The following ABTB3 variants were observed in gnomAD, a reference collection of about 807,000 sequenced individuals.
ABTB3 encodes the protein ankyrin repeat- and BTB/POZ domain-containing protein 3.
chr12:107,430,542 G>T, the ABTB3 span, among the ~76,000 whole-genome samples: 6 of 152,020 alleles, frequency 3.9e-5, no homozygotes, highest in African/African-American at 1.4e-4. Flanking sequence ...ATCATGATTT[G>T]GGCCCCTTCT....
At chr12:107,600,251 C>G in the ABTB3 span, among the ~76,000 whole-genome samples, 368 of 152,312 alleles carry the variant, frequency 2.4e-3, 2 homozygotes, top group African/African-American at 8.4e-3. Context: ...CGACCTTGAG[C>G]AACCGATACG....
the ABTB3 span, among the ~76,000 whole-genome samples, chr12:107,509,572 G>A: frequency 6.6e-6 from 1 of 152,176 alleles, no homozygotes; most frequent in Non-Finnish European, 1.5e-5. Context: ...GCAGCTCATA[G>A]CAGGAATGGG....
chr12:107,531,491 C>T, the ABTB3 span, among the ~76,000 whole-genome samples: 3 of 152,134 alleles, frequency 2.0e-5, no homozygotes, highest in South Asian at 2.1e-4. Flanking sequence ...AGCTCGAAGG[C>T]CAGTCCTACT....
chr12:107,336,325 C>T, the ABTB3 span, among the ~76,000 whole-genome samples: 1 of 152,202 alleles, frequency 6.6e-6, no homozygotes, highest in African/African-American at 2.4e-5. Flanking sequence ...GTTTAAGTTA[C>T]TTACCCACTC....
the ABTB3 span, among the ~76,000 whole-genome samples, chr12:107,452,448 C>T: frequency 5.9e-5 from 9 of 152,046 alleles, no homozygotes; most frequent in South Asian, 2.1e-4. Flanking sequence ...CTTCGTGATC[C>T]GCCTGCCTCG....
chr12:107,437,046 C>A, the ABTB3 span, among the ~76,000 whole-genome samples: 1 of 152,054 alleles, frequency 6.6e-6, no homozygotes, highest in Non-Finnish European at 1.5e-5. Flanking sequence ...CCTTGAACTC[C>A]TAGGGGCCCA....
At chr12:107,627,693 G>T in the ABTB3 span, among the ~76,000 whole-genome samples, 1 of 152,134 alleles carries the variant, frequency 6.6e-6, no homozygotes, top group Non-Finnish European at 1.5e-5. Flanking sequence ...GTGCAGTCAT[G>T]GGCCCCTAGC....
the ABTB3 span, among the ~76,000 whole-genome samples, chr12:107,410,505 C>T: frequency 7.2e-5 from 11 of 152,188 alleles, no homozygotes; most frequent in East Asian, 1.9e-4. Context: ...CCTTAGGCTG[C>T]GGGATTCTGA....
the ABTB3 span, chr12:107,619,899 A>T: frequency 7.7e-7 from 1 of 1,296,280 alleles, no homozygotes; most frequent in Non-Finnish European, 1.0e-6. Flanking sequence ...CCAGATAAAA[A>T]CTCGCCTGCT....
At chr12:107,495,593 C>T in the ABTB3 span, among the ~76,000 whole-genome samples, 1 of 152,224 alleles carries the variant, frequency 6.6e-6, no homozygotes, top group South Asian at 2.1e-4. Context: ...ATGCCCACCT[C>T]CAAGTCACAG....
chr12:107,355,928 T>A, the ABTB3 span, among the ~76,000 whole-genome samples: 1 of 152,244 alleles, frequency 6.6e-6, no homozygotes, highest in African/African-American at 2.4e-5. Flanking sequence ...CACTTCTACC[T>A]CTTGTGCTAT....
the ABTB3 span, among the ~76,000 whole-genome samples, chr12:107,558,356 C>T: frequency 3.9e-5 from 6 of 152,240 alleles, no homozygotes; most frequent in Admixed American, 3.9e-4. Flanking sequence ...GCAACAACAG[C>T]TTGGCATCTG....
At chr12:107,440,957 G>A in the ABTB3 span, among the ~76,000 whole-genome samples, 2 of 152,174 alleles carry the variant, frequency 1.3e-5, no homozygotes, top group African/African-American at 2.4e-5. Context: ...GGCTCCAGCT[G>A]GAAGTGACTT....
the ABTB3 span, among the ~76,000 whole-genome samples, chr12:107,573,464 C>CGATGGATGGATG: frequency 0.015 from 2,136 of 139,606 alleles, 35 homozygotes; most frequent in East Asian, 0.042. Flanking sequence ...GTGGATGAAT[C>CGATGGATGGATG]GATGGATGGA....
chr12:107,406,914 T>G, the ABTB3 span, among the ~76,000 whole-genome samples: 1 of 152,280 alleles, frequency 6.6e-6, no homozygotes, highest in East Asian at 1.9e-4. Flanking sequence ...CCTCTAGGTG[T>G]CCCCTGAGCT....
the ABTB3 span, among the ~76,000 whole-genome samples, chr12:107,393,990 C>T: frequency 1.3e-5 from 2 of 152,218 alleles, no homozygotes; most frequent in East Asian, 3.9e-4. Context: ...GGTGAGTTAA[C>T]TTCCTTAAGA....
chr12:107,444,730 C>T, the ABTB3 span, among the ~76,000 whole-genome samples: 1 of 152,078 alleles, frequency 6.6e-6, no homozygotes, highest in Non-Finnish European at 1.5e-5. Flanking sequence ...AATGAATAAA[C>T]TTCAAAAATA....
chr12:107,344,554 C>A, the ABTB3 span, among the ~76,000 whole-genome samples: 3 of 152,182 alleles, frequency 2.0e-5, no homozygotes, highest in African/African-American at 7.2e-5. Flanking sequence ...AGACCTCATC[C>A]CCAGTCAAGT....
chr12:107,385,177 A>G, the ABTB3 span, among the ~76,000 whole-genome samples: 1 of 152,184 alleles, frequency 6.6e-6, no homozygotes, highest in African/African-American at 2.4e-5. Flanking sequence ...ACATTTAGGT[A>G]TTGAGTAAGT....
Sources: allele counts gnomAD v4.1 joint callset (sites outside exome capture counted in the v4.1 genomes callset), GRCh38; gene constraint gnomAD v4.1.1; transcripts MANE v1.5; gene names NCBI Gene and HGNC (gene_info 2026-07-23, HGNC 2026-07-21).